The following SPIDR variants were observed in gnomAD, a reference collection of about 807,000 sequenced individuals.
SPIDR encodes scaffold protein involved in DNA repair.
SPIDR carries 93 observed loss-of-function variants against 104.6 expected under a neutral mutation model. The observed-to-expected ratio is 0.89, with a 90% CI of 0.75 to 1.06. The LOEUF is 1.06. Ranked by LOEUF, SPIDR falls within the 50% of genes least tolerant of loss-of-function variation. The pLI is 0.00. For synonymous variants in SPIDR, 431 were observed against 416.9 expected (o/e 1.03, Z -0.41); for missense variants, 1,154 against 1,111.2 (o/e 1.04, Z -0.55).
chr8:47,533,540 C>A (rs1427535281), intron 8 of SPIDR, among the ~76,000 whole-genome samples: 1 of 152,050 alleles, frequency 6.6e-6, no homozygotes, highest in East Asian at 1.9e-4. Context: ...GGTCTAATAT[C>A]CAGCATCTAT....
intron 7 of SPIDR, among the ~76,000 whole-genome samples, chr8:47,411,182 G>A (rs2063477917): frequency 1.3e-5 from 2 of 152,132 alleles, no homozygotes; most frequent in Admixed American, 6.6e-5. Context: ...CCCAGTAATG[G>A]GATGGCTGGG....
At chr8:47,362,878 C>T (rs781908717) in intron 5 of SPIDR, among the ~76,000 whole-genome samples, 14 of 152,130 alleles carry the variant, frequency 9.2e-5, no homozygotes, top group Non-Finnish European at 1.3e-4. Flanking sequence ...GTCTTGAACT[C>T]CTAACTTCAA....
chr8:47,732,139 A>T (rs1184474845), intron 19 of SPIDR: 2 of 702,468 alleles, frequency 2.8e-6, no homozygotes, highest in Non-Finnish European at 5.2e-6. Flanking sequence ...AGATCCAGAG[A>T]CCAGGAACCC....
At chr8:47,721,046 C>T (rs1260205046) in intron 16 of SPIDR, among the ~76,000 whole-genome samples, 1 of 152,206 alleles carries the variant, frequency 6.6e-6, no homozygotes, top group Non-Finnish European at 1.5e-5. Context: ...GCATGAGCCA[C>T]CGCTTCTGGC....
intron 10 of SPIDR, among the ~76,000 whole-genome samples, chr8:47,650,524 G>A (rs1273804576): frequency 3.3e-5 from 5 of 152,098 alleles, no homozygotes; most frequent in South Asian, 2.1e-4. Context: ...GAAAATGGTC[G>A]TGCTGCCCAA....
At chr8:47,510,287 T>G (rs2082117703) in intron 8 of SPIDR, among the ~76,000 whole-genome samples, 2 of 152,252 alleles carry the variant, frequency 1.3e-5, no homozygotes, top group Non-Finnish European at 2.9e-5. Context: ...ACACAAATGC[T>G]GACAGAGTTA....
intron 1 of SPIDR, among the ~76,000 whole-genome samples, chr8:47,267,541 T>C: frequency 6.6e-6 from 1 of 152,236 alleles, no homozygotes; most frequent in Non-Finnish European, 1.5e-5. Context: ...TCTTTTACTT[T>C]TAGTCATCCT....
intron 8 of SPIDR, among the ~76,000 whole-genome samples, chr8:47,558,949 T>G (rs1279412216): frequency 6.6e-6 from 1 of 152,174 alleles, no homozygotes; most frequent in African/African-American, 2.4e-5. Flanking sequence ...AGCTTCACCG[T>G]TTTTTAAATG....
At chr8:47,491,504 A>G (rs968116288) in intron 8 of SPIDR, among the ~76,000 whole-genome samples, 2 of 151,950 alleles carry the variant, frequency 1.3e-5, no homozygotes, top group Non-Finnish European at 2.9e-5. Flanking sequence ...TGAATCTGGC[A>G]TGTTTTCTAT....
intron 10 of SPIDR, among the ~76,000 whole-genome samples, chr8:47,630,397 T>C (rs1181887348): frequency 3.3e-5 from 5 of 152,226 alleles, no homozygotes; most frequent in Admixed American, 3.3e-4. Flanking sequence ...CTCTGGTCTC[T>C]ACAGGTTTGT....
At chr8:47,473,562 G>A (rs1564073682) in intron 8 of SPIDR, among the ~76,000 whole-genome samples, 2 of 152,178 alleles carry the variant, frequency 1.3e-5, no homozygotes, top group African/African-American at 2.4e-5. Flanking sequence ...TTTTCCCAAC[G>A]CTGGACATAC....
intron 10 of SPIDR, among the ~76,000 whole-genome samples, chr8:47,658,643 G>A (rs956458276): frequency 1.3e-5 from 2 of 151,410 alleles, no homozygotes; most frequent in Admixed American, 6.6e-5. Context: ...GTATGGAAAA[G>A]GCCTTTCTCG....
chr8:47,444,305 C>A (rs2070101517), intron 8 of SPIDR, among the ~76,000 whole-genome samples: 1 of 152,304 alleles, frequency 6.6e-6, no homozygotes, highest in Non-Finnish European at 1.5e-5. Flanking sequence ...AAATCTAACT[C>A]CAGAATGAGG....
intron 16 of SPIDR, among the ~76,000 whole-genome samples, chr8:47,724,452 G>A (rs2083902779): frequency 6.6e-6 from 1 of 152,234 alleles, no homozygotes; most frequent in Admixed American, 6.5e-5. Flanking sequence ...CCTCACTGCT[G>A]TTTGGCAATA....
chr8:47,354,933 A>G (rs2054232785), intron 5 of SPIDR, among the ~76,000 whole-genome samples: 1 of 151,980 alleles, frequency 6.6e-6, no homozygotes, highest in Non-Finnish European at 1.5e-5. Flanking sequence ...ATGAGCTACC[A>G]CACCAAGCCC....
At chr8:47,399,736 G>C (rs1423641115) in intron 6 of SPIDR, among the ~76,000 whole-genome samples, 1 of 152,212 alleles carries the variant, frequency 6.6e-6, no homozygotes, top group Non-Finnish European at 1.5e-5. Flanking sequence ...TCCGAGAGTA[G>C]CAATAATAAT....
intron 5 of SPIDR, among the ~76,000 whole-genome samples, chr8:47,300,231 A>G (rs1586585223): frequency 6.6e-6 from 1 of 152,100 alleles, no homozygotes; most frequent in Admixed American, 6.6e-5. Context: ...TTTCTAATTT[A>G]TTTGTGTAAA....
chr8:47,384,045 A>G (rs2059614924), intron 5 of SPIDR, among the ~76,000 whole-genome samples: 1 of 152,214 alleles, frequency 6.6e-6, no homozygotes, highest in South Asian at 2.1e-4. Context: ...ATGCATTCAC[A>G]AAACTCTAAA....
chr8:47,632,811 T>C (rs1303017824), intron 10 of SPIDR, among the ~76,000 whole-genome samples: 1 of 152,178 alleles, frequency 6.6e-6, no homozygotes, highest in East Asian at 1.9e-4. Flanking sequence ...AGCTGGCCTT[T>C]CAGGGGCACG....
Sources: allele counts gnomAD v4.1 joint callset (sites outside exome capture counted in the v4.1 genomes callset), GRCh38; gene constraint gnomAD v4.1.1; transcripts MANE v1.5; gene names NCBI Gene and HGNC (gene_info 2026-07-23, HGNC 2026-07-21).